Variants in ZNF804B observed in about 807,000 individuals in gnomAD.
The protein encoded by ZNF804B is zinc finger 804B.
In ZNF804B, 80 loss-of-function variants were observed where a neutral mutation model predicts 101.4. The observed-to-expected ratio is 0.79, with a 90% CI of 0.66 to 0.95. The LOEUF (loss-of-function observed/expected upper bound fraction) is 0.95. ZNF804B is among the 40% of genes least tolerant of loss of function. ZNF804B has a pLI of 0.00. For missense variants in ZNF804B, 1,673 were observed against 1,561.9 expected (o/e 1.07, Z -1.20); for synonymous variants, 622 against 558.8 (o/e 1.11, Z -1.59).
chr7:89,113,855 A>C (rs943285618), intron 1 of ZNF804B, among the ~76,000 whole-genome samples: 1 of 152,042 alleles, frequency 6.6e-6, no homozygotes, highest in Admixed American at 6.5e-5. Context: ...AGGCTGAGGC[A>C]CGAGAATCGC....
At chr7:88,877,026 A>ATAAT (rs1491138122) in intron 1 of ZNF804B, among the ~76,000 whole-genome samples, 2 of 41,096 alleles carry the variant, frequency 4.9e-5, no homozygotes, top group African/African-American at 3.3e-4. Flanking sequence ...ATATATATAT[A>ATAAT]ATATATATAT....
chr7:89,212,252 TACACACACACACACACAC>T (rs67535390), intron 1 of ZNF804B, among the ~76,000 whole-genome samples: 10 of 87,176 alleles, frequency 1.1e-4, no homozygotes, highest in Middle Eastern at 9.9e-3. Flanking sequence ...CATTCAGTGA[TACACACACACACACACAC>T]ACACACACAC....
At position 89,180,745 on chromosome 7, in the gene ZNF804B, G is replaced by A. The variant is rs115876049; in HGVS notation, c.109-37410G>A. ...TGCACTGCCTGGGGTTAGGGAAAGGGTGATGCAAGCACTCTCCTGGCTGCC... is the reference window on the plus strand; with the variant it reads ...TGCACTGCCTGGGGTTAGGGAAAGGATGATGCAAGCACTCTCCTGGCTGCC... On this transcript the variant is annotated intron_variant, in intron 1 of 3. Coordinates refer to ENST00000333190, the MANE Select transcript of ZNF804B (RefSeq NM_181646.5). 2.0e-3 allele frequency among the ~76,000 whole-genome samples: 301 copies of A among 151,504 alleles called. 3 individuals are homozygous for A. The highest frequency in any genetic ancestry group is 6.7e-3 in the African/African-American group (278 of 41,240).
At chr7:88,870,315 G>A (rs1254770331) in intron 1 of ZNF804B, among the ~76,000 whole-genome samples, 3 of 146,866 alleles carry the variant, frequency 2.0e-5, no homozygotes, top group Non-Finnish European at 4.5e-5. Context: ...AACCCGGGAG[G>A]CGGAGCTTGC....
At chr7:88,791,478 G>T (rs1452431874) in intron 1 of ZNF804B, among the ~76,000 whole-genome samples, 2 of 152,076 alleles carry the variant, frequency 1.3e-5, no homozygotes, top group Admixed American at 6.6e-5. Flanking sequence ...ATCGTTGAGA[G>T]ATATTCTATA....
At chr7:88,860,992 C>T (rs1791636285) in intron 1 of ZNF804B, among the ~76,000 whole-genome samples, 1 of 152,140 alleles carries the variant, frequency 6.6e-6, no homozygotes, top group Non-Finnish European at 1.5e-5. Flanking sequence ...CAGAATCACA[C>T]TAGTCAATTA....
At chr7:88,895,376 G>A (rs1458040080) in intron 1 of ZNF804B, among the ~76,000 whole-genome samples, 2 of 152,220 alleles carry the variant, frequency 1.3e-5, no homozygotes, top group African/African-American at 4.8e-5. Context: ...CTGGATTAGA[G>A]TTGGATGGAT....
Position 89,321,542 on chromosome 7 carries a change from GAC to G in ZNF804B, c.250-5800_250-5799del, listed in dbSNP as rs1790821454. Among the ~76,000 whole-genome samples, 3 of 152,074 alleles carry G rather than the reference GAC, an allele frequency of 2.0e-5. No homozygotes were observed. The South Asian group carries it at 6.2e-4, about 32-fold the overall frequency. ...TAATGTCTAGTGCAACTATGAAAGTGACATAGGTAGACGTAACTAAATAATCA... is the reference window on the plus strand; with the variant it reads ...TAATGTCTAGTGCAACTATGAAAGTGATAGGTAGACGTAACTAAATAATCA... On this transcript the variant is annotated intron_variant, in intron 2 of 3. Coordinates refer to ENST00000333190, the MANE Select transcript of ZNF804B (RefSeq NM_181646.5).
chr7:89,130,290 G>A (rs781422146), intron 1 of ZNF804B, among the ~76,000 whole-genome samples: 17 of 151,878 alleles, frequency 1.1e-4, no homozygotes, highest in Non-Finnish European at 2.5e-4. Flanking sequence ...CTTGCTCCTG[G>A]AGAATGGCTG....
At chr7:88,876,656 T>G (rs62464063) in intron 1 of ZNF804B, among the ~76,000 whole-genome samples, 6,449 of 152,130 alleles carry the variant, frequency 0.042, 158 homozygotes, top group Middle Eastern at 0.048. Flanking sequence ...TTATATTGTT[T>G]GCTGTTAAGT....
intron 1 of ZNF804B, among the ~76,000 whole-genome samples, chr7:88,866,811 A>G (rs1562816931): frequency 6.6e-6 from 1 of 152,226 alleles, no homozygotes; most frequent in Non-Finnish European, 1.5e-5. Context: ...GGAAATACCC[A>G]TATTTAGCTT....
At chr7:89,026,738 A>G (rs535457616) in intron 1 of ZNF804B, among the ~76,000 whole-genome samples, 13 of 152,292 alleles carry the variant, frequency 8.5e-5, no homozygotes, top group African/African-American at 3.1e-4. Flanking sequence ...ATGGTATCAC[A>G]TACTAGTAGA....
At chr7:89,265,213 G>T (rs1789768406) in intron 2 of ZNF804B, among the ~76,000 whole-genome samples, 2 of 152,068 alleles carry the variant, frequency 1.3e-5, no homozygotes. Flanking sequence ...GAAGCATCTA[G>T]CTCTGAATGT....
At chr7:89,012,852 A>C (rs1788485238) in intron 1 of ZNF804B, among the ~76,000 whole-genome samples, 1 of 152,154 alleles carries the variant, frequency 6.6e-6, no homozygotes, top group African/African-American at 2.4e-5. Context: ...ATCTGTTCTC[A>C]TGCTGCTATG....
At chr7:88,838,041 A>G (rs1465025636) in intron 1 of ZNF804B, among the ~76,000 whole-genome samples, 1 of 151,786 alleles carries the variant, frequency 6.6e-6, no homozygotes, top group Non-Finnish European at 1.5e-5. Context: ...CTGACTTAAA[A>G]AAATCTTTGG....
At chr7:88,884,872 A>T (rs1050695468) in intron 1 of ZNF804B, among the ~76,000 whole-genome samples, 8 of 151,918 alleles carry the variant, frequency 5.3e-5, no homozygotes, top group African/African-American at 1.9e-4. Context: ...AGTGGAAGTC[A>T]CCATAATGGC....
chr7:89,153,529 A>G (rs1413567413), intron 1 of ZNF804B, among the ~76,000 whole-genome samples: 2 of 151,728 alleles, frequency 1.3e-5, no homozygotes, highest in East Asian at 3.9e-4. Context: ...AGCAAAAATG[A>G]ATTTCCGAAG....
At chr7:88,931,840 CT>C (rs1317912394) in intron 1 of ZNF804B, among the ~76,000 whole-genome samples, 2 of 151,696 alleles carry the variant, frequency 1.3e-5, no homozygotes, top group Non-Finnish European at 2.9e-5. Flanking sequence ...CTTCAAAACA[CT>C]TGTTCACACT....
intron 1 of ZNF804B, among the ~76,000 whole-genome samples, chr7:89,071,125 TG>T (rs1431480487): frequency 1.3e-5 from 2 of 152,154 alleles, no homozygotes; most frequent in Non-Finnish European, 2.9e-5. Flanking sequence ...TGTTATACTG[TG>T]TTGTTTCAGG....
Sources: allele counts gnomAD v4.1 joint callset (sites outside exome capture counted in the v4.1 genomes callset), GRCh38; gene constraint gnomAD v4.1.1; transcripts MANE v1.5; gene names NCBI Gene and HGNC (gene_info 2026-07-23, HGNC 2026-07-21).